Variants in NMNAT1 observed in about 807,000 individuals in gnomAD.
NMNAT1 encodes the protein nicotinamide/nicotinic acid mononucleotide adenylyltransferase 1.
NMNAT1 carries 11 observed loss-of-function variants against 16.7 expected under a neutral mutation model. The observed-to-expected ratio is 0.66, with a 90% CI of 0.41 to 1.09. The LOEUF is 1.09. NMNAT1 is among the 50% of genes least tolerant of loss of function. The pLI, the probability that NMNAT1 is intolerant of heterozygous loss-of-function variation, is 0.00. For missense variants in NMNAT1, 280 were observed against 332.3 expected, an observed-to-expected ratio of 0.84 and a Z score of 1.22; for synonymous variants, 110 against 119.8, an observed-to-expected ratio of 0.92 and a Z score of 0.53.
At chr1:9,967,048 AC>A (rs1641561403) in intron 1 of NMNAT1, among the ~76,000 whole-genome samples, 1 of 152,028 alleles carries the variant, frequency 6.6e-6, no homozygotes, top group South Asian at 2.1e-4. Flanking sequence ...AAGTGGTGAA[AC>A]CCTGTGTCTA....
the NMNAT1 span, among the ~76,000 whole-genome samples, chr1:9,995,835 T>A: frequency 1.3e-5 from 2 of 151,794 alleles, no homozygotes; most frequent in Non-Finnish European, 2.9e-5. Flanking sequence ...AAGACCAGCC[T>A]AGCCAACATG....
intron 1 of NMNAT1, among the ~76,000 whole-genome samples, chr1:9,945,969 G>A (rs1049798884): frequency 6.6e-6 from 1 of 152,054 alleles, no homozygotes; most frequent in African/African-American, 2.4e-5. Context: ...GCCCAGGCTG[G>A]TTTCAAACTC....
intron 3 of NMNAT1, among the ~76,000 whole-genome samples, chr1:9,980,107 T>G (rs1234193816): frequency 6.6e-6 from 1 of 151,542 alleles, no homozygotes; most frequent in Non-Finnish European, 1.5e-5. Context: ...AATTTTCTAT[T>G]TTTAGCAGAG....
At chr1:9,962,137 G>T (rs1309407337) in intron 1 of NMNAT1, among the ~76,000 whole-genome samples, 1 of 151,682 alleles carries the variant, frequency 6.6e-6, no homozygotes, top group Non-Finnish European at 1.5e-5. Flanking sequence ...GTTTCATCCC[G>T]TCCAATGAAT....
At chr1:9,985,617 G>A (rs1642035056), downstream of NMNAT1, 1 of 152,224 alleles carries the variant, frequency 6.6e-6, no homozygotes, top group African/African-American at 2.4e-5. Context: ...CGAGGGAGAA[G>A]GTGATATGGG....
At chr1:9,974,360 T>A (rs998135781) in intron 2 of NMNAT1, among the ~76,000 whole-genome samples, 3 of 150,542 alleles carry the variant, frequency 2.0e-5, no homozygotes, top group Non-Finnish European at 4.4e-5. Flanking sequence ...TGAGTAGCTG[T>A]GACTACAGGC....
chr1:9,986,425 T>C (rs968130010), downstream of NMNAT1, among the ~76,000 whole-genome samples: 3 of 152,192 alleles, frequency 2.0e-5, no homozygotes, highest in African/African-American at 7.2e-5. Context: ...TACAAGTATA[T>C]CAGCTAGCGC....
chr1:9,954,929 C>CAAAAAAAA (rs70998330), intron 1 of NMNAT1, among the ~76,000 whole-genome samples: 1 of 138,364 alleles, frequency 7.2e-6, no homozygotes, highest in Non-Finnish European at 1.5e-5. Flanking sequence ...GACTCCATCT[C>CAAAAAAAA]AAAAAAAAAA....
intron 1 of NMNAT1, among the ~76,000 whole-genome samples, chr1:9,960,107 G>A (rs1277583698): frequency 2.0e-5 from 3 of 152,038 alleles, no homozygotes; most frequent in South Asian, 2.1e-4. Context: ...TATTGTTTTC[G>A]AAAAGTTGAT....
chr1:9,970,983 G>A (rs542391821), intron 1 of NMNAT1, among the ~76,000 whole-genome samples: 1 of 152,244 alleles, frequency 6.6e-6, no homozygotes, highest in African/African-American at 2.4e-5. Context: ...TGAGACTAGG[G>A]TCAGCTTGTT....
the NMNAT1 span, among the ~76,000 whole-genome samples, chr1:9,991,972 G>A: frequency 6.6e-6 from 1 of 152,032 alleles, no homozygotes; most frequent in Non-Finnish European, 1.5e-5. Flanking sequence ...GGCTGAGGCA[G>A]GAGAATTTCT....
chr1:9,956,385 G>C (rs1641260008), intron 1 of NMNAT1, among the ~76,000 whole-genome samples: 1 of 147,184 alleles, frequency 6.8e-6, no homozygotes. Context: ...TGGCCATGCT[G>C]ATCTCGAACC....
chr1:9,945,654 C>A (rs1288908472), intron 1 of NMNAT1, among the ~76,000 whole-genome samples: 2 of 152,156 alleles, frequency 1.3e-5, no homozygotes, highest in African/African-American at 4.8e-5. Flanking sequence ...GAGCCGAGAT[C>A]GTGCTCTTCA....
chr1:9,949,066 T>A (rs1435364595), intron 1 of NMNAT1, among the ~76,000 whole-genome samples: 5 of 150,376 alleles, frequency 3.3e-5, no homozygotes, highest in Non-Finnish European at 7.4e-5. Context: ...CGTCAGGTGT[T>A]CAAGAGCAGC....
chr1:9,968,067 A>AGTGTTTTTTTTTT (rs1553126593), intron 1 of NMNAT1, among the ~76,000 whole-genome samples: 1 of 71,792 alleles, frequency 1.4e-5, no homozygotes, highest in Admixed American at 1.8e-4. Flanking sequence ...TGCCAAATGT[A>AGTGTTTTTTTTTT]GTTTTTTTTT....
At chr1:9,994,203 C>T in the NMNAT1 span, among the ~76,000 whole-genome samples, 173 of 142,710 alleles carry the variant, frequency 1.2e-3, 1 homozygote, top group Admixed American at 3.5e-3. Context: ...CTCTGCCTCC[C>T]GGGTTCAAGT....
At chr1:9,994,744 T>C in the NMNAT1 span, among the ~76,000 whole-genome samples, 1 of 151,990 alleles carries the variant, frequency 6.6e-6, no homozygotes, top group Admixed American at 6.6e-5. Flanking sequence ...CCCGAGTAGC[T>C]GGGACTACAG....
the NMNAT1 span, among the ~76,000 whole-genome samples, chr1:9,992,825 T>A: frequency 6.6e-6 from 1 of 151,800 alleles, no homozygotes; most frequent in Non-Finnish European, 1.5e-5. Context: ...GGCAGGAGAA[T>A]GGTGTGAACC....
chr1:9,948,730 A>G (rs1363245054), intron 1 of NMNAT1, among the ~76,000 whole-genome samples: 1 of 148,922 alleles, frequency 6.7e-6, no homozygotes, highest in Non-Finnish European at 1.5e-5. Context: ...GCTCACTGCA[A>G]CCTCCGCCTC....
Sources: gnomAD v4.1 joint callset for allele counts (sites outside exome capture counted in the v4.1 genomes callset) on GRCh38, gnomAD v4.1.1 for gene constraint, MANE v1.5 for transcripts, NCBI Gene and HGNC (gene_info 2026-07-23, HGNC 2026-07-21) for gene names.